Variants in AAK1 observed in about 807,000 individuals in gnomAD.
AAK1 encodes the protein AP2 associated kinase 1.
A neutral mutation model predicts 116.0 loss-of-function variants in AAK1; 37 were observed. The observed-to-expected ratio is 0.32, with a 90% CI of 0.25 to 0.42. The LOEUF (loss-of-function observed/expected upper bound fraction) is 0.42, where lower values mean the gene tolerates loss of function less well. Ranked by LOEUF, AAK1 falls within the 10% of genes least tolerant of loss-of-function variation. The pLI, the probability that AAK1 is intolerant of heterozygous loss-of-function variation, is 1.00. For synonymous variants in AAK1, 458 were observed against 439.9 expected, an observed-to-expected ratio of 1.04 and a Z score of -0.51; for missense variants, 919 against 1,170.6, an observed-to-expected ratio of 0.79 and a Z score of 3.14.
chr2:69,546,821 T>C (rs907583719), intron 3 of AAK1, among the ~76,000 whole-genome samples: 1 of 133,874 alleles, frequency 7.5e-6, no homozygotes, highest in Non-Finnish European at 1.6e-5. Flanking sequence ...ATGTTACTGG[T>C]TAACATCTGC....
intron 2 of AAK1, among the ~76,000 whole-genome samples, chr2:69,612,063 G>A (rs1674109758): frequency 1.3e-5 from 2 of 152,186 alleles, no homozygotes; most frequent in South Asian, 4.1e-4. Context: ...AAAAAGTTCT[G>A]GAGATGGATG....
chr2:69,489,526 C>T (rs1267797419), intron 17 of AAK1, among the ~76,000 whole-genome samples: 4 of 150,926 alleles, frequency 2.7e-5, no homozygotes, highest in African/African-American at 7.3e-5. Context: ...AAGGCCCATT[C>T]TGACTCTGGT....
At position 69,569,663 on chromosome 2, in the gene AAK1, T is replaced by C. The variant is rs563219972; in HGVS notation, c.164-12685A>G. On this transcript the variant is annotated intron_variant, in intron 2 of 21. Coordinates refer to ENST00000409085, the MANE Select transcript of AAK1 (RefSeq NM_014911.5). ...AGACAATCCCACCCAAATCCTCCCATAGGCAACCGCTGTTCTGATTGTTTT... is the reference window on the plus strand; with the variant it reads ...AGACAATCCCACCCAAATCCTCCCACAGGCAACCGCTGTTCTGATTGTTTT... Among the ~76,000 whole-genome samples, 5 of 152,218 alleles carry C rather than the reference T, an allele frequency of 3.3e-5. No homozygotes were observed. In the East Asian group the frequency reaches 5.8e-4, roughly 18 times the overall value.
chr2:69,551,226 A>T (rs1448234283), intron 3 of AAK1, among the ~76,000 whole-genome samples: 1 of 152,092 alleles, frequency 6.6e-6, no homozygotes, highest in Non-Finnish European at 1.5e-5. Flanking sequence ...GTAACGACAC[A>T]CACTGGGGCC....
At chr2:69,481,014 A>C (rs1214580669) in intron 18 of AAK1, 53 bp from the exon 19 acceptor site, 2 of 1,389,346 alleles carry the variant, frequency 1.4e-6, no homozygotes, top group African/African-American at 2.9e-5. Flanking sequence ...GGGAGTCAGA[A>C]GTTTCTTTAG....
Position 69,620,680 on chromosome 2 carries a change from G to A in AAK1, c.163+22198C>T, listed in dbSNP as rs184752960. Among the ~76,000 whole-genome samples the A allele has an allele frequency of 2.4e-3, 370 of 152,216 alleles. 1 individual carries two copies. Among genetic ancestry groups the A allele is most frequent in the African/African-American group, 8.6e-3 (357 of 41,520 alleles). ...TTTAATTTTGTTGGATCCCATGTCT[G>A]CGAGACACTGCATTCTACTGATTCT... is the stretch of plus-strand genomic sequence containing the variant. On this transcript the variant is annotated intron_variant, in intron 2 of 21. Coordinates refer to ENST00000409085, the MANE Select transcript of AAK1 (RefSeq NM_014911.5).
intron 13 of AAK1, among the ~76,000 whole-genome samples, chr2:69,513,671 C>T (rs1188592741): frequency 6.6e-6 from 1 of 152,192 alleles, no homozygotes; most frequent in Non-Finnish European, 1.5e-5. Context: ...AGTTAGACTT[C>T]CCTGGGAGTA....
At chr2:69,638,536 G>A (rs1220041051) in intron 2 of AAK1, among the ~76,000 whole-genome samples, 2 of 152,178 alleles carry the variant, frequency 1.3e-5, no homozygotes, top group African/African-American at 2.4e-5. Context: ...AGCACCTCCA[G>A]GGAGCAACTT....
Position 69,468,660 on chromosome 2 carries a change from T to C in AAK1, c.*7209A>G. On this transcript the variant is annotated 3_prime_UTR_variant, in exon 22 of 22. Transcript: ENST00000409085. The stretch of plus-strand genomic sequence containing the variant: ...GTGTTTTTTGGAAATTTAAACTGAA[T>C]TCAGTTAAAACAATTTGTGCACAGA... 1.0e-6 allele frequency: 1 copy of C among 985,416 alleles called. No homozygotes were observed. The highest frequency in any genetic ancestry group is 1.7e-5 in the African/African-American group (1 of 57,348). 61.0% of individuals were successfully genotyped at this position (985,416 alleles called of 1,614,324 possible). A position where few individuals can be genotyped will look rare whatever the true frequency, so the allele number is the denominator to read the frequency against.
At chr2:69,620,783 A>C (rs1360106512) in intron 2 of AAK1, among the ~76,000 whole-genome samples, 1 of 152,174 alleles carries the variant, frequency 6.6e-6, no homozygotes, top group African/African-American at 2.4e-5. Context: ...AATGTTGCTA[A>C]GCCTAAATTC....
At chr2:69,584,204 T>G (rs1672664883) in intron 2 of AAK1, among the ~76,000 whole-genome samples, 1 of 152,150 alleles carries the variant, frequency 6.6e-6, no homozygotes, top group South Asian at 2.1e-4. Flanking sequence ...TCTAGCATCT[T>G]CCTTAAAAAA....
intron 17 of AAK1, among the ~76,000 whole-genome samples, chr2:69,483,713 T>C (rs1314046386): frequency 2.0e-5 from 3 of 152,208 alleles, no homozygotes; most frequent in Non-Finnish European, 4.4e-5. Context: ...ACTATGCACC[T>C]GTGACATGCT....
At position 69,460,850 on chromosome 2, in the gene AAK1, T is replaced by G. The variant is rs747248590; in HGVS notation, c.*15019A>C. 6.6e-6 allele frequency: 1 copy of G among 152,246 alleles called. No homozygotes were observed. Among genetic ancestry groups the G allele is most frequent in the Admixed American group, 6.5e-5 (1 of 15,288 alleles). The allele number at this position is 152,246 out of a possible 1,614,324, so 9.4% of individuals were successfully genotyped here. A position where few individuals can be genotyped will look rare whatever the true frequency, so the allele number is the denominator to read the frequency against. The stretch of plus-strand genomic sequence containing the variant: ...ACATCTTTCATTCAGTACTGCCTGT[T>G]AGTCAATTACTGTGGATTCTTTCAG... On this transcript the variant is annotated 3_prime_UTR_variant, in exon 22 of 22. Transcript: ENST00000409085.
chr2:69,555,284 T>C (rs1222806193), intron 3 of AAK1, among the ~76,000 whole-genome samples: 1 of 152,252 alleles, frequency 6.6e-6, no homozygotes, highest in African/African-American at 2.4e-5. Flanking sequence ...TGGTCTTGAC[T>C]GTATGTATAT....
chr2:69,471,251 C>T lies in AAK1; in HGVS notation c.*4618G>A. 1 of 985,406 alleles carries T rather than the reference C, an allele frequency of 1.0e-6. No homozygotes were observed. Among genetic ancestry groups the T allele is most frequent in the Non-Finnish European group, 1.2e-6 (1 of 829,918 alleles). 61.0% of individuals were successfully genotyped at this position (985,406 alleles called of 1,614,324 possible). The stretch of plus-strand genomic sequence containing the variant: ...CTACCACCATTTGGTAACTTCTTTG[C>T]ATAGGTTAGCATTACCCAAGGAGCC... On this transcript the variant is annotated 3_prime_UTR_variant, in exon 22 of 22. Transcript: ENST00000409085.
chr2:69,480,815 C>T, intron 19 of AAK1, 45 bp downstream of exon 19: 1 of 1,514,962 alleles, frequency 6.6e-7, no homozygotes, highest in South Asian at 1.2e-5. Flanking sequence ...CTCAGAGGTT[C>T]ACCACACCGA....
At chr2:69,544,746 T>C (rs1670856702) in intron 3 of AAK1, among the ~76,000 whole-genome samples, 1 of 152,140 alleles carries the variant, frequency 6.6e-6, no homozygotes, top group Admixed American at 6.5e-5. Flanking sequence ...TCCATAACCC[T>C]ACTAAACCAG....
chr2:69,542,798 G>T, intron 4 of AAK1, 133 bp from the exon 5 acceptor site: 2 of 996,948 alleles, frequency 2.0e-6, no homozygotes, highest in Non-Finnish European at 1.5e-6. Flanking sequence ...ACTGAGCCAG[G>T]ATTAAAACCT....
chr2:69,505,768 T>C (rs1287264486), intron 15 of AAK1, 95 bp from the exon 16 acceptor site: 9 of 820,332 alleles, frequency 1.1e-5, no homozygotes, highest in Non-Finnish European at 1.7e-5. Flanking sequence ...AACTGACTTC[T>C]GGACTTGACT....
Sources: allele counts gnomAD v4.1 joint callset (sites outside exome capture counted in the v4.1 genomes callset), GRCh38; gene constraint gnomAD v4.1.1; transcripts MANE v1.5; gene names NCBI Gene and HGNC (gene_info 2026-07-23, HGNC 2026-07-21).